Variants in COL14A1 observed in about 807,000 individuals in gnomAD.
The protein encoded by COL14A1 is collagen alpha-1(XIV) chain.
A neutral mutation model predicts 230.3 loss-of-function variants in COL14A1; 136 were observed. The ratio of observed to expected loss-of-function variants is 0.59; its 90% confidence interval spans 0.51 to 0.68. The LOEUF (loss-of-function observed/expected upper bound fraction) is 0.68. Ranked by LOEUF, COL14A1 falls within the 30% of genes least tolerant of loss-of-function variation. The pLI is 0.00. For missense variants in COL14A1, 1,976 were observed against 2,215.8 expected, an observed-to-expected ratio of 0.89 and a Z score of 2.17; for synonymous variants, 792 against 784.1, an observed-to-expected ratio of 1.01 and a Z score of -0.17.
chr8:120,315,233 G>T (rs1821178002), intron 38 of COL14A1, among the ~76,000 whole-genome samples: 1 of 151,978 alleles, frequency 6.6e-6, no homozygotes, highest in South Asian at 2.1e-4. Flanking sequence ...AGCTGGGTGT[G>T]GTGGCAGGCA....
At chr8:120,231,764 C>T in intron 19 of COL14A1, 146 bp downstream of exon 19, 1 of 830,188 alleles carries the variant, frequency 1.2e-6, no homozygotes, top group Non-Finnish European at 1.8e-6. Context: ...GTTAATCTGA[C>T]TCCACTACTG....
intron 36 of COL14A1, 84 bp downstream of exon 36, chr8:120,300,902 G>C: frequency 2.9e-6 from 3 of 1,036,716 alleles, no homozygotes; most frequent in South Asian, 1.4e-5. Context: ...GTTGTCTACT[G>C]TACTAAATGG....
Position 120,152,578 on chromosome 8 carries a change from A to G in COL14A1, c.88+4648A>G, listed in dbSNP as rs549872019. The stretch of plus-strand genomic sequence containing the variant: ...ATTTAGTCTCTCCATGGAATATTTT[A>G]TGAAAAATGTTCCCTCTCCAGGACC... On this transcript the variant is annotated intron_variant, in intron 2 of 47. Coordinates refer to ENST00000297848, the MANE Select transcript of COL14A1 (RefSeq NM_021110.4). 3.3e-5 allele frequency among the ~76,000 whole-genome samples: 5 copies of G among 151,298 alleles called. No individual in the cohort carries two copies. In the South Asian group the frequency reaches 1.0e-3, roughly 32 times the overall value.
intron 40 of COL14A1, among the ~76,000 whole-genome samples, chr8:120,330,607 A>C (rs4871058): frequency 0.53 from 81,226 of 151,918 alleles, 23,236 homozygotes; most frequent in African/African-American, 0.76. Flanking sequence ...CCACTGCGTC[A>C]CTCTCATGAC....
chr8:120,238,164 G>A (rs532745341), intron 19 of COL14A1, among the ~76,000 whole-genome samples: 5 of 152,320 alleles, frequency 3.3e-5, no homozygotes, highest in African/African-American at 1.2e-4. Context: ...TCTTTTCAGA[G>A]CCAGCAGGCA....
At chr8:120,323,611 G>A (rs1821543258) in intron 40 of COL14A1, among the ~76,000 whole-genome samples, 1 of 152,084 alleles carries the variant, frequency 6.6e-6, no homozygotes, top group Admixed American at 6.6e-5. Flanking sequence ...TAAGGAAGGG[G>A]TCCGGTTTCA....
chr8:120,314,318 A>G (rs973129896), intron 38 of COL14A1, among the ~76,000 whole-genome samples: 2 of 152,220 alleles, frequency 1.3e-5, no homozygotes, highest in Non-Finnish European at 2.9e-5. Context: ...TCGTCTAACT[A>G]AATTCTTAAT....
rs1822121494 is a variant in COL14A1, at chr8:120,337,426, GAAAAAAGAA to G, written c.4786-3889_4786-3881del. Among the ~76,000 whole-genome samples the G allele has an allele frequency of 6.8e-5, 10 of 147,992 alleles. No homozygotes were observed. In the South Asian group the frequency reaches 2.2e-3, roughly 32 times the overall value. ...TAAAAAAAAAAAAAAAAAGAAAAAA[GAAAAAAGAA>G]AAAAAAGAAGGTACGTTTATATTCT... On this transcript the variant is annotated intron_variant, in intron 42 of 47. Coordinates refer to ENST00000297848, the MANE Select transcript of COL14A1 (RefSeq NM_021110.4).
intron 29 of COL14A1, 56 bp downstream of exon 29, chr8:120,280,155 CA>C: frequency 2.5e-6 from 4 of 1,589,342 alleles, no homozygotes; most frequent in Non-Finnish European, 3.4e-6. Flanking sequence ...AAATATTTGA[CA>C]CTGGTTAAAT....
chr8:120,136,899 T>C (rs1467689398), intron 1 of COL14A1, among the ~76,000 whole-genome samples: 2 of 128,208 alleles, frequency 1.6e-5, no homozygotes, highest in Non-Finnish European at 3.1e-5. Context: ...CGGTAGGAGG[T>C]TGCAGTGAGC....
At chr8:120,225,993 G>GTT (rs796574518) in intron 15 of COL14A1, among the ~76,000 whole-genome samples, 5 of 143,864 alleles carry the variant, frequency 3.5e-5, no homozygotes, top group Non-Finnish European at 6.2e-5. Flanking sequence ...GGGTTTTTAT[G>GTT]TTTTTTTTTT....
intron 36 of COL14A1, among the ~76,000 whole-genome samples, chr8:120,308,478 AGT>A (rs1238769292): frequency 6.6e-6 from 1 of 152,274 alleles, no homozygotes; most frequent in Non-Finnish European, 1.5e-5. Context: ...CTATGTAAAA[AGT>A]GTGACATCAC....
At chr8:120,322,042 C>A (rs548685698) in intron 40 of COL14A1, among the ~76,000 whole-genome samples, 1 of 151,940 alleles carries the variant, frequency 6.6e-6, no homozygotes, top group Non-Finnish European at 1.5e-5. Context: ...GAAGTCATCA[C>A]TGCAGGTTAC....
chr8:120,134,403 G>A (rs1814642942), intron 1 of COL14A1, among the ~76,000 whole-genome samples: 1 of 152,048 alleles, frequency 6.6e-6, no homozygotes, highest in Admixed American at 6.5e-5. Context: ...AGTGGTATTG[G>A]ACTAATTGGA....
intron 40 of COL14A1, among the ~76,000 whole-genome samples, chr8:120,320,976 A>G (rs1017386668): frequency 6.6e-6 from 1 of 152,238 alleles, no homozygotes; most frequent in Admixed American, 6.5e-5. Flanking sequence ...GGAAGAAACA[A>G]TGCCACACAG....
intron 22 of COL14A1, among the ~76,000 whole-genome samples, chr8:120,253,798 C>T (rs1819051173): frequency 6.6e-6 from 1 of 152,074 alleles, no homozygotes; most frequent in Non-Finnish European, 1.5e-5. Flanking sequence ...GCGGCATGCA[C>T]CTGTAATCCC....
At chr8:120,189,195 G>T (rs1816737726) in intron 5 of COL14A1, among the ~76,000 whole-genome samples, 2 of 152,140 alleles carry the variant, frequency 1.3e-5, no homozygotes, top group Admixed American at 1.3e-4. Flanking sequence ...ACAGCTGTTT[G>T]CCCCTGGCAC....
chr8:120,305,639 A>G (rs376083072), intron 36 of COL14A1, among the ~76,000 whole-genome samples: 11 of 152,250 alleles, frequency 7.2e-5, no homozygotes, highest in African/African-American at 2.6e-4. Context: ...GTAATAACTG[A>G]CCCATTCTGA....
At chr8:120,210,081 T>C (rs1288468377) in intron 12 of COL14A1, among the ~76,000 whole-genome samples, 180 bp downstream of exon 12, 1 of 152,176 alleles carries the variant, frequency 6.6e-6, no homozygotes, top group East Asian at 1.9e-4. Flanking sequence ...TAACAGTCTT[T>C]GTCGATGCAT....
Sources: gnomAD v4.1 joint callset for allele counts (sites outside exome capture counted in the v4.1 genomes callset) on GRCh38, gnomAD v4.1.1 for gene constraint, MANE v1.5 for transcripts, NCBI Gene and HGNC (gene_info 2026-07-23, HGNC 2026-07-21) for gene names.